Variants in VPS35 observed in about 807,000 individuals in gnomAD.
VPS35 encodes VPS35 retromer complex component, also known as vacuolar protein sorting-associated protein 35.
A neutral mutation model predicts 98.1 loss-of-function variants in VPS35; 21 were observed. The ratio of observed to expected loss-of-function variants is 0.21; its 90% CI spans 0.15 to 0.31. VPS35 has a LOEUF of 0.31. Among genes scored for constraint, VPS35 ranks in the 10% least tolerant of loss-of-function variants. VPS35 has a pLI of 1.00. For synonymous variants in VPS35, 268 were observed against 318.2 expected (o/e 0.84, Z 1.68); for missense variants, 554 against 950.8 (o/e 0.58, Z 5.49).
intron 8 of VPS35, among the ~76,000 whole-genome samples, chr16:46,675,741 C>A (rs1191796037): frequency 6.6e-6 from 1 of 152,126 alleles, no homozygotes; most frequent in Non-Finnish European, 1.5e-5. Flanking sequence ...GGACAGACAT[C>A]ATATACTACT....
At position 46,662,392 on chromosome 16, in the gene VPS35, A is replaced by C; in HGVS notation, c.1918T>G (p.Cys640Gly). 2 of 1,614,224 alleles carry C rather than the reference A, an allele frequency of 1.2e-6. No homozygotes were observed. Among genetic ancestry groups the C allele is most frequent in the Non-Finnish European group, 1.7e-6 (2 of 1,180,026 alleles). ...GGTTCGTGATTCTCTTCACTGAAGC[A>C]CTTCATCCTTTCAAAAGTGCCAATG... ...LIIGTFERMK[C>G]FSEENHEPLR... is the part of the protein sequence containing the mutation. Residue 640 changes from cysteine (C) to glycine (G), a missense_variant, in exon 15 of 17, where the codon TGC (cysteine) becomes GGC (glycine). Physicochemically the swap from Cys to Gly is radical, Grantham distance 159 (BLOSUM62 -3). Transcript: ENST00000299138.
intron 1 of VPS35, among the ~76,000 whole-genome samples, chr16:46,686,296 T>C (rs917120106): frequency 6.6e-6 from 1 of 152,182 alleles, no homozygotes; most frequent in African/African-American, 2.4e-5. Flanking sequence ...CATGGACATA[T>C]GGGTTGTTTC....
chr16:46,662,835 A>G, intron 14 of VPS35, 148 bp downstream of exon 14: 1 of 877,100 alleles, frequency 1.1e-6, no homozygotes, highest in Admixed American at 2.3e-5. Flanking sequence ...TACAACAATA[A>G]TATTAACAGG....
intron 4 of VPS35, 41 bp downstream of exon 4, chr16:46,681,336 G>A (rs1252566499): frequency 6.2e-7 from 1 of 1,612,250 alleles, no homozygotes; most frequent in Admixed American, 1.7e-5. Flanking sequence ...CATATAGTGA[G>A]AAATACAGAC....
At chr16:46,681,238 A>G (rs1206868502) in intron 4 of VPS35, 139 bp downstream of exon 4, 76 of 1,219,370 alleles carry the variant, frequency 6.2e-5, no homozygotes, top group Middle Eastern at 2.1e-4. Flanking sequence ...AAAACAAGTA[A>G]GAGAATATCT....
In VPS35 at chr16:46,688,273, A is replaced by C. The variant is rs1046873009; in HGVS notation, c.3+858T>G. On this transcript the variant is annotated intron_variant, in intron 1 of 16. Transcript: ENST00000299138. ...CTCAAAAAATTTATTTACACAGTGC[A>C]GGCTATGTTAAACGCTAATAAAATG... The C allele has an allele frequency of 3.1e-6, 3 of 983,524 alleles. No homozygotes were observed. The African/African-American group carries it at 5.2e-5, about 17-fold the overall frequency. 60.9% of individuals were successfully genotyped at this position (983,524 alleles called of 1,614,324 possible).
chr16:46,672,342 C>T lies in VPS35; in HGVS notation c.1291G>A (p.Glu431Lys), dbSNP rs143688112. ...FHPLFEYFDY[E>K]SRKSMSCYVL... ...TAACAACTCATGCTCTTTCTGGACT[C>T]GTAGTCAAAGTACTCAAAGAGTGGG... Residue 431 changes from glutamate (E) to lysine (K), a missense_variant, in exon 11 of 17, where the codon GAG becomes AAG. Glu to Lys is a moderately conservative substitution (Grantham distance 56). Transcript: ENST00000299138. 8 of 1,613,730 alleles carry T rather than the reference C, an allele frequency of 5.0e-6. No individual in the cohort carries two copies. The highest frequency in any genetic ancestry group is 2.2e-5 in the East Asian group (1 of 44,786).
Position 46,674,383 on chromosome 16 carries a change from T to C in VPS35, c.1091A>G (p.Asp364Gly). ...AACTTTATCAACATAGTCCACACGA[T>C]CAGGGTAACATTTCATGGCAAGATT... is the stretch of plus-strand genomic sequence containing the variant. ...LINLAMKCYP[D>G]RVDYVDKVLE... The change falls in exon 10 of 17, where the codon GAT (aspartate) becomes GGT (glycine). Residue 364 changes from aspartate to glycine, a missense_variant. Physicochemically the swap from Asp to Gly is moderately conservative, Grantham distance 94 (BLOSUM62 -1). Coordinates refer to ENST00000299138, the MANE Select transcript of VPS35 (RefSeq NM_018206.6). 1 of 1,614,030 alleles carries C rather than the reference T, an allele frequency of 6.2e-7. No individual in the cohort carries two copies. The highest frequency in any genetic ancestry group is 8.5e-7 in the Non-Finnish European group (1 of 1,179,972).
chr16:46,678,884 T>G (rs1444785801), intron 6 of VPS35, 59 bp downstream of exon 6: 6 of 1,567,012 alleles, frequency 3.8e-6, no homozygotes, highest in Non-Finnish European at 5.2e-6. Flanking sequence ...ATTCTGATTT[T>G]AAAAATCAGA....
At position 46,683,521 on chromosome 16, in the gene VPS35, A is replaced by T. The variant is rs145147781; in HGVS notation, c.89T>A (p.Met30Lys). The T allele has an allele frequency of 2.0e-4, 319 of 1,613,614 alleles. No homozygotes were observed. The highest frequency in any genetic ancestry group is 2.4e-4 in the Non-Finnish European group (285 of 1,179,976). ...CTCCATTCTTACCAGGCATCTCTTC[A>T]TTTGGAATGACTGGACCTTCACAGC... The part of the protein sequence containing the change: ...IQAVKVQSFQ[M>K]KRCLDKNKLM... The change falls in exon 2 of 17, where the codon ATG becomes AAG. Residue 30 changes from methionine to lysine, a missense_variant. This residue lies in a region of VPS35 where 67 missense variants were observed against 103.3 expected (regional missense o/e 0.65). Coordinates refer to ENST00000299138, the MANE Select transcript of VPS35 (RefSeq NM_018206.6).
At chr16:46,672,862 T>G (rs1966089133) in intron 10 of VPS35, among the ~76,000 whole-genome samples, 1 of 152,144 alleles carries the variant, frequency 6.6e-6, no homozygotes, top group Non-Finnish European at 1.5e-5. Flanking sequence ...GGAAAAAAAC[T>G]CCATGCAAAA....
chr16:46,686,129 T>A (rs1404134506), intron 1 of VPS35, among the ~76,000 whole-genome samples: 1 of 152,172 alleles, frequency 6.6e-6, no homozygotes, highest in African/African-American at 2.4e-5. Context: ...AGTGAAATCA[T>A]ACAATATTTT....
rs1373211064 is a variant in VPS35, at chr16:46,657,645, C to T, written c.*2827G>A. 1.3e-5 allele frequency: 2 copies of T among 152,106 alleles called. No individual in the cohort carries two copies. Among genetic ancestry groups the T allele is most frequent in the Non-Finnish European group, 2.9e-5 (2 of 68,026 alleles). 9.4% of individuals were successfully genotyped at this position (152,106 alleles called of 1,614,324 possible). Reference sequence around the variant, plus strand: ...TGCAGTTCATTAACCTGATGACCACCAATTTCAGGCTTGAGGATGAGTCAG... The same window carrying T: ...TGCAGTTCATTAACCTGATGACCACTAATTTCAGGCTTGAGGATGAGTCAG... On this transcript the variant is annotated 3_prime_UTR_variant, in exon 17 of 17. Coordinates refer to ENST00000299138, the MANE Select transcript of VPS35 (RefSeq NM_018206.6).
At chr16:46,687,266 T>C (rs796918086) in intron 1 of VPS35, among the ~76,000 whole-genome samples, 2 of 152,190 alleles carry the variant, frequency 1.3e-5, no homozygotes, top group South Asian at 4.1e-4. Context: ...ATTTTAAAAA[T>C]GATGACATGG....
intron 10 of VPS35, among the ~76,000 whole-genome samples, 191 bp downstream of exon 10, chr16:46,674,120 TACC>T (rs1309453303): frequency 6.6e-6 from 1 of 152,130 alleles, no homozygotes; most frequent in African/African-American, 2.4e-5. Flanking sequence ...GGTCCATAGG[TACC>T]ACAATTTCCT....
chr16:46,665,474 A>G (rs1245900314), intron 13 of VPS35, among the ~76,000 whole-genome samples: 1 of 151,962 alleles, frequency 6.6e-6, no homozygotes, highest in African/African-American at 2.4e-5. Context: ...ACATGCTTGC[A>G]GTCCCAGCTA....
intron 4 of VPS35, 33 bp downstream of exon 4, chr16:46,681,340 TACAG>T: frequency 6.2e-7 from 1 of 1,612,696 alleles, no homozygotes; most frequent in South Asian, 1.1e-5. Flanking sequence ...TAGTGAGAAA[TACAG>T]ACACAAAAGT....
At chr16:46,687,040 A>C (rs1966327859) in intron 1 of VPS35, among the ~76,000 whole-genome samples, 1 of 152,240 alleles carries the variant, frequency 6.6e-6, no homozygotes. Context: ...ACCAAAGCTC[A>C]AAACGTGCCT....
In VPS35 at chr16:46,689,120, T is replaced by A; in HGVS notation, c.3+11A>T. 6.2e-7 allele frequency: 1 copy of A among 1,608,826 alleles called. No individual in the cohort carries two copies. Among genetic ancestry groups the A allele is most frequent in the Non-Finnish European group, 8.5e-7 (1 of 1,178,420 alleles). ...GGTCGACCCAGGTGCCACTGCCCCC[T>A]CAGCACTCACCATGGCGACTCCCCA... On this transcript the variant is annotated intron_variant, in intron 1 of 16. Transcript: ENST00000299138.
Sources: gnomAD v4.1 joint callset for allele counts (sites outside exome capture counted in the v4.1 genomes callset) on GRCh38, gnomAD v4.1.1 for gene constraint, gnomAD v4.1.1 regional missense constraint, MANE v1.5 for transcripts, NCBI Gene and HGNC (gene_info 2026-07-23, HGNC 2026-07-21) for gene names.